Variants in TXN observed in about 807,000 individuals in gnomAD.
TXN encodes the protein ADF.
Under a neutral mutation model 16.5 loss-of-function variants are expected in TXN, and 10 were observed. That is an observed-to-expected ratio of 0.61 (90% confidence interval 0.37 to 1.03). The LOEUF (loss-of-function observed/expected upper bound fraction) is 1.03. Ranked by LOEUF, TXN falls within the 50% of genes least tolerant of loss-of-function variation. TXN has a pLI of 0.01. For synonymous variants in TXN, 35 were observed against 39.4 expected, an observed-to-expected ratio of 0.89 and a Z score of 0.42; for missense variants, 71 against 122.5, an observed-to-expected ratio of 0.58 and a Z score of 1.98.
intron 1 of TXN, among the ~76,000 whole-genome samples, chr9:110,254,178 T>C (rs926599210): frequency 6.6e-6 from 1 of 152,204 alleles, no homozygotes; most frequent in Admixed American, 6.5e-5. Context: ...GAATGGCAAA[T>C]GGTGCAAATT....
At position 110,252,737 on chromosome 9, in the gene TXN, G is replaced by A. The variant is rs563397224; in HGVS notation, c.25-1275C>T. ...TCGGCTCACAGTAACCTTTGCCTCC[G>A]GGGTTCAAGTGATTCTCTTGCCTCA... On this transcript the variant is annotated intron_variant, in intron 1 of 4. Coordinates refer to ENST00000374517, the MANE Select transcript of TXN (RefSeq NM_003329.4). Among the ~76,000 whole-genome samples, 20 of 152,036 alleles carry A rather than the reference G, an allele frequency of 1.3e-4. No individual in the cohort carries two copies. The East Asian group carries it at 3.3e-3, about 25-fold the overall frequency.
intron 3 of TXN, among the ~76,000 whole-genome samples, chr9:110,246,341 T>TG (rs1837660379): frequency 6.6e-6 from 1 of 152,122 alleles, no homozygotes; most frequent in Non-Finnish European, 1.5e-5. Flanking sequence ...CAAAGGTAAT[T>TG]GAAGTAACAC....
At chr9:110,251,739 A>C (rs748647275) in intron 1 of TXN, among the ~76,000 whole-genome samples, 10 of 152,124 alleles carry the variant, frequency 6.6e-5, no homozygotes, top group Non-Finnish European at 1.3e-4. Flanking sequence ...TATTTTATAA[A>C]ATATTGTGAA....
chr9:110,255,971 T>C (rs1262250316), intron 1 of TXN, among the ~76,000 whole-genome samples: 1 of 152,142 alleles, frequency 6.6e-6, no homozygotes, highest in Non-Finnish European at 1.5e-5. Flanking sequence ...TGAATCTGGA[T>C]ACAGATGGGG....
intron 3 of TXN, among the ~76,000 whole-genome samples, chr9:110,247,015 C>T (rs1176306509): frequency 6.6e-6 from 1 of 152,128 alleles, no homozygotes. Context: ...CAGAGGGTCA[C>T]TTCAAGGTTT....
Position 110,256,464 on chromosome 9 carries a change from G to GTAAGGACCGATGGAAATGGATCC in TXN, c.-52_-30dup, listed in dbSNP as rs1837812485. On this transcript the variant is annotated 5_prime_UTR_variant, in exon 1 of 5. Coordinates refer to ENST00000374517, the MANE Select transcript of TXN (RefSeq NM_003329.4). The surrounding 1 kb of genome is among the most constrained non-coding windows in gnomAD (Gnocchi z 4.2). ...GGCTGCTGGAGTCTGACGAGCGGCT[G>GTAAGGACCGATGGAAATGGATCC]TAAGGACCGATGGAAATGGATCCAA... 6.2e-7 allele frequency: 1 copy of GTAAGGACCGATGGAAATGGATCC among 1,602,102 alleles called. No individual in the cohort carries two copies. The highest frequency in any genetic ancestry group is 8.5e-7 in the Non-Finnish European group (1 of 1,174,520).
At position 110,244,805 on chromosome 9, in the gene TXN, T is replaced by A; in HGVS notation, c.228A>T (p.Thr76=). The A allele has an allele frequency of 6.2e-7, 1 of 1,613,114 alleles. No individual in the cohort carries two copies. Among genetic ancestry groups the A allele is most frequent in the East Asian group, 2.2e-5 (1 of 44,804 alleles). The part of the protein sequence containing the change: ...ASECEVKCMP[T]FQFFKKGQKV... The stretch of plus-strand genomic sequence containing the variant: ...TTTGTCCCTTCTTAAAAAACTGGAA[T>A]GTTGGCATGCATTTGACTTCACACT... Residue 76 remains threonine (T), a synonymous_variant, in exon 4 of 5, where the codon ACA becomes ACT. Coordinates refer to ENST00000374517, the MANE Select transcript of TXN (RefSeq NM_003329.4).
At chr9:110,248,319 T>C (rs1033759904) in intron 3 of TXN, among the ~76,000 whole-genome samples, 2 of 152,232 alleles carry the variant, frequency 1.3e-5, no homozygotes, top group Non-Finnish European at 2.9e-5. Flanking sequence ...GCAAGTCCCG[T>C]TTATGGCAAG....
chr9:110,247,166 G>T (rs1964889), intron 3 of TXN, among the ~76,000 whole-genome samples: 106,734 of 151,876 alleles, frequency 0.7, 38,004 homozygotes, highest in East Asian at 0.98. Context: ...CTACTAAAAA[G>T]TTGAAATTTA....
At chr9:110,254,318 C>A (rs1021144252) in intron 1 of TXN, among the ~76,000 whole-genome samples, 1 of 152,138 alleles carries the variant, frequency 6.6e-6, no homozygotes, top group Non-Finnish European at 1.5e-5. Context: ...GTCAGGAGTT[C>A]GAGACAAACC....
At position 110,245,652 on chromosome 9, in the gene TXN, ATATTTTTTTTTT is replaced by A. The variant is rs1341203581; in HGVS notation, c.190-821_190-810del. 5.9e-4 allele frequency among the ~76,000 whole-genome samples: 14 copies of A among 23,678 alleles called. No individual in the cohort carries two copies. In the East Asian group the frequency reaches 9.1e-3, roughly 15 times the overall value. 15.5% of individuals were successfully genotyped at this position (23,678 alleles called of 152,430 possible). A position where few individuals can be genotyped will look rare whatever the true frequency, so the allele number is the denominator to read the frequency against. ...TATATATATATATATATATATATAT[ATATTTTTTTTTT>A]TTTTTTTTTATAGGGACAAGGTCTC... On this transcript the variant is annotated intron_variant, in intron 3 of 4. Coordinates refer to ENST00000374517, the MANE Select transcript of TXN (RefSeq NM_003329.4).
At chr9:110,245,638 ATATATATATATATATAT>A (rs1482987872) in intron 3 of TXN, among the ~76,000 whole-genome samples, 623 of 28,764 alleles carry the variant, frequency 0.022, 59 homozygotes, top group African/African-American at 0.087. Context: ...ATATATATAT[ATATATATATATATATAT>A]TTTTTTTTTT....
At chr9:110,253,583 A>ATTAC (rs1227628578) in intron 1 of TXN, among the ~76,000 whole-genome samples, 1 of 152,200 alleles carries the variant, frequency 6.6e-6, no homozygotes, top group African/African-American at 2.4e-5. Context: ...AAAACTTGAG[A>ATTAC]TTACTTTCAA....
intron 3 of TXN, among the ~76,000 whole-genome samples, chr9:110,250,393 A>G (rs1429533210): frequency 6.6e-6 from 1 of 152,230 alleles, no homozygotes; most frequent in African/African-American, 2.4e-5. Flanking sequence ...ACTAAAATCA[A>G]CCAAGACTAG....
At chr9:110,246,200 G>A (rs1456319952) in intron 3 of TXN, among the ~76,000 whole-genome samples, 4 of 152,114 alleles carry the variant, frequency 2.6e-5, no homozygotes, top group Non-Finnish European at 5.9e-5. Context: ...TGACTCTGAT[G>A]CTCTAACCTT....
intron 1 of TXN, among the ~76,000 whole-genome samples, chr9:110,254,942 G>GA (rs1185243901): frequency 6.6e-6 from 1 of 151,972 alleles, no homozygotes; most frequent in Non-Finnish European, 1.5e-5. Context: ...TAGGTGCTTG[G>GA]AAAAAAAGTA....
At chr9:110,245,026 G>A in intron 3 of TXN, 183 bp from the exon 4 acceptor site, 1 of 423,120 alleles carries the variant, frequency 2.4e-6, no homozygotes, top group South Asian at 3.2e-5. Flanking sequence ...AGCCAAACCG[G>A]TTATATTCTC....
intron 2 of TXN, 30 bp from the exon 3 acceptor site, chr9:110,250,909 A>C (rs373326228): frequency 1.3e-6 from 2 of 1,565,254 alleles, no homozygotes; most frequent in Non-Finnish European, 1.8e-6. Context: ...AAATCCAAAA[A>C]GATTTAGAAC....
Position 110,256,352 on chromosome 9 carries a change from T to C in TXN, c.24+60A>G, listed in dbSNP as rs1287391105. On this transcript the variant is annotated intron_variant, in intron 1 of 4. Coordinates refer to ENST00000374517, the MANE Select transcript of TXN (RefSeq NM_003329.4). The surrounding 1 kb of genome is among the most constrained non-coding windows in gnomAD (Gnocchi z 4.2). ...CCTTCCCCACCTCCCGCCACCGCCTTCCCCAGTTACAGAGGCCGCGCGCGG... is the reference window on the plus strand; with the variant it reads ...CCTTCCCCACCTCCCGCCACCGCCTCCCCCAGTTACAGAGGCCGCGCGCGG... 2 of 1,565,890 alleles carry C rather than the reference T, an allele frequency of 1.3e-6. No homozygotes were observed. The highest frequency in any genetic ancestry group is 1.4e-5 in the African/African-American group (1 of 73,208).
Sources: gnomAD v4.1 joint callset for allele counts (sites outside exome capture counted in the v4.1 genomes callset) on GRCh38, gnomAD v4.1.1 for gene constraint, Gnocchi (gnomAD v3.1) non-coding constraint, MANE v1.5 for transcripts, NCBI Gene and HGNC (gene_info 2026-07-23, HGNC 2026-07-21) for gene names.